The following SETBP1 variants were observed in gnomAD, a reference collection of about 807,000 sequenced individuals.
SETBP1 encodes the protein SET binding protein 1.
SETBP1 carries 9 observed loss-of-function variants against 101.0 expected under a neutral mutation model. The ratio of observed to expected loss-of-function variants is 0.09; its 90% CI spans 0.05 to 0.16. The LOEUF is 0.16. Ranked by LOEUF, SETBP1 falls within the 10% of genes least tolerant of loss-of-function variation. The pLI is 1.00. For synonymous variants in SETBP1, 818 were observed against 788.5 expected (o/e 1.04, Z -0.63); for missense variants, 1,858 against 2,033.8 (o/e 0.91, Z 1.66).
At chr18:44,732,624 C>T (rs773297239) in intron 2 of SETBP1, 1 of 152,182 alleles carries the variant, frequency 6.6e-6, no homozygotes, top group Non-Finnish European at 1.5e-5. Context: ...TTTCTGAGGT[C>T]TTGAAGTCAA....
intron 5 of SETBP1, among the ~76,000 whole-genome samples, chr18:45,044,760 A>G (rs1426592578): frequency 6.6e-6 from 1 of 152,194 alleles, no homozygotes; most frequent in Non-Finnish European, 1.5e-5. Context: ...GTTATTTCAA[A>G]GGTTCATTCA....
At chr18:44,922,553 C>T (rs544432391) in intron 3 of SETBP1, among the ~76,000 whole-genome samples, 74 of 152,336 alleles carry the variant, frequency 4.9e-4, no homozygotes, top group Middle Eastern at 6.8e-3. Flanking sequence ...GAGTAATTAT[C>T]TCCTGCTTCC....
chr18:45,022,306 C>T (rs572156932), intron 4 of SETBP1, among the ~76,000 whole-genome samples: 6 of 152,206 alleles, frequency 3.9e-5, no homozygotes, highest in Non-Finnish European at 7.3e-5. Context: ...CACAAGAATT[C>T]TTGTGTTTCC....
chr18:44,886,767 T>TTAC (rs1370457501), intron 3 of SETBP1, among the ~76,000 whole-genome samples: 2 of 142,262 alleles, frequency 1.4e-5, no homozygotes, highest in Non-Finnish European at 3.2e-5. Flanking sequence ...ATTATTATTA[T>TTAC]TATTATTATT....
chr18:44,939,285 A>AT (rs1336621297), intron 3 of SETBP1, among the ~76,000 whole-genome samples: 1 of 151,634 alleles, frequency 6.6e-6, no homozygotes, highest in Non-Finnish European at 1.5e-5. Flanking sequence ...CACTGTTCTG[A>AT]CACCTATCAT....
chr18:44,686,344 CT>C (rs2068840978), intron 1 of SETBP1, among the ~76,000 whole-genome samples: 1 of 152,228 alleles, frequency 6.6e-6, no homozygotes. Flanking sequence ...GGTTTCTTCA[CT>C]GACTCTGGAC....
chr18:45,028,329 A>G lies in SETBP1; in HGVS notation c.4001-10156A>G, dbSNP rs559849058. 2.6e-5 allele frequency among the ~76,000 whole-genome samples: 4 copies of G among 152,150 alleles called. No homozygotes were observed. The South Asian group carries it at 8.3e-4, about 32-fold the overall frequency. ...TCCAATTTCATCCATGGCCCTACAA[A>G]GGACATGAACTCATCATTTTTTATG... On this transcript the variant is annotated intron_variant, in intron 4 of 5. Transcript: ENST00000649279.
At chr18:44,718,129 A>G (rs1175415795) in intron 2 of SETBP1, among the ~76,000 whole-genome samples, 2 of 152,236 alleles carry the variant, frequency 1.3e-5, no homozygotes, top group Non-Finnish European at 2.9e-5. Context: ...TATAATCCAG[A>G]TATGAAAACA....
intron 4 of SETBP1, among the ~76,000 whole-genome samples, chr18:45,033,233 G>T (rs2073332626): frequency 6.6e-6 from 1 of 152,112 alleles, no homozygotes; most frequent in Non-Finnish European, 1.5e-5. Flanking sequence ...TCATTTACTG[G>T]TTTACCCAAA....
chr18:44,975,346 A>G (rs1247913935), intron 4 of SETBP1, among the ~76,000 whole-genome samples: 4 of 152,224 alleles, frequency 2.6e-5, no homozygotes, highest in East Asian at 3.8e-4. Flanking sequence ...TTAGGCTTCA[A>G]TTCTACAGTC....
At chr18:44,958,072 T>C (rs958771645) in intron 4 of SETBP1, among the ~76,000 whole-genome samples, 1 of 152,146 alleles carries the variant, frequency 6.6e-6, no homozygotes, top group South Asian at 2.1e-4. Flanking sequence ...TGACTTTCAG[T>C]TTTCCAAAAT....
chr18:44,775,347 G>A (rs1470745960), intron 2 of SETBP1, among the ~76,000 whole-genome samples: 1 of 152,230 alleles, frequency 6.6e-6, no homozygotes, highest in East Asian at 1.9e-4. Context: ...CCTGCAGTTA[G>A]CAGGATGTAG....
chr18:45,060,624 G>A (rs1317368508), intron 5 of SETBP1, among the ~76,000 whole-genome samples: 1 of 151,892 alleles, frequency 6.6e-6, no homozygotes, highest in Non-Finnish European at 1.5e-5. Context: ...AGGATTGTTT[G>A]GTAGATTTAC....
intron 3 of SETBP1, among the ~76,000 whole-genome samples, chr18:44,887,146 A>G (rs1011797769): frequency 1.3e-5 from 2 of 152,134 alleles, no homozygotes; most frequent in Non-Finnish European, 2.9e-5. Context: ...TCAAGTGGGG[A>G]CATGAACTCC....
At chr18:44,959,420 T>C (rs563505145) in intron 4 of SETBP1, among the ~76,000 whole-genome samples, 1 of 152,358 alleles carries the variant, frequency 6.6e-6, no homozygotes, top group East Asian at 1.9e-4. Context: ...GTTGTCTGAA[T>C]TCAAGGGAAA....
intron 4 of SETBP1, among the ~76,000 whole-genome samples, chr18:44,975,996 T>C (rs2071977153): frequency 6.6e-6 from 1 of 152,056 alleles, no homozygotes; most frequent in Non-Finnish European, 1.5e-5. Flanking sequence ...GAATTATTTC[T>C]CAAAATACCT....
chr18:44,896,411 A>G (rs760585561), intron 3 of SETBP1, among the ~76,000 whole-genome samples: 5 of 152,158 alleles, frequency 3.3e-5, no homozygotes, highest in Admixed American at 6.5e-5. Context: ...AATTATGCAT[A>G]TTGTACAAGT....
rs145133915 is a variant in SETBP1, at chr18:44,950,830, C to T, written c.1490C>T (p.Pro497Leu). Residue 497 changes from proline to leucine, a missense_variant, in exon 4 of 6, where the codon CCG (proline) becomes CTG (leucine). By Grantham distance (98) the Pro-to-Leu change is moderately conservative. This residue lies in a region of SETBP1 where 581 missense variants were observed against 535.1 expected (regional missense o/e 1.09). Coordinates refer to ENST00000649279, the MANE Select transcript of SETBP1 (RefSeq NM_015559.3). ...GTTATCCCAGGAGGTGTGTCTAAGC[C>T]GCGGAAGCCACCCATGGTCATGACA... ...EKVIPGGVSK[P>L]RKPPMVMTPP... 884 of 1,614,052 alleles carry T rather than the reference C, an allele frequency of 5.5e-4. 19 individuals are homozygous for T. The South Asian group carries it at 8.6e-3, about 16-fold the overall frequency.
chr18:44,889,974 G>A (rs2069731526), intron 3 of SETBP1, among the ~76,000 whole-genome samples: 1 of 152,096 alleles, frequency 6.6e-6, no homozygotes, highest in Non-Finnish European at 1.5e-5. Context: ...AATTAAAATT[G>A]TACGTATTTA....
Sources: allele counts gnomAD v4.1 joint callset (sites outside exome capture counted in the v4.1 genomes callset), GRCh38; gene constraint gnomAD v4.1.1; regional missense constraint gnomAD v4.1.1; transcripts MANE v1.5; gene names NCBI Gene and HGNC (gene_info 2026-07-23, HGNC 2026-07-21).